TRIOBP: variants seen among roughly 807,000 people sequenced by gnomAD.
TRIOBP encodes TRIO and F-actin-binding protein.
TRIOBP carries 169 observed loss-of-function variants against 238.8 expected under a neutral mutation model. The ratio of observed to expected loss-of-function variants is 0.71; its 90% confidence interval spans 0.62 to 0.80. The LOEUF is 0.80. Ranked by LOEUF, TRIOBP falls within the 30% of genes least tolerant of loss-of-function variation. The pLI, the probability that TRIOBP is intolerant of heterozygous loss-of-function variation, is 0.00. For missense variants in TRIOBP, 2,838 were observed against 3,122.6 expected (o/e 0.91, Z 2.17); for synonymous variants, 1,150 against 1,274.4 (o/e 0.90, Z 2.08).
intron 11 of TRIOBP, among the ~76,000 whole-genome samples, chr22:37,747,541 C>T (rs550571983): frequency 6.6e-6 from 1 of 152,318 alleles, no homozygotes; most frequent in South Asian, 2.1e-4. Flanking sequence ...ACTTCCTCGG[C>T]GTCCTCCTGG....
chr22:37,757,351 A>G lies in TRIOBP; in HGVS notation c.5688-262A>G, dbSNP rs77171481. On this transcript the variant is annotated intron_variant, in intron 15 of 23. Coordinates refer to ENST00000644935, the MANE Select transcript of TRIOBP (RefSeq NM_001039141.3). Reference sequence around the variant, plus strand: ...CTACTTCAGCCTGGGCAGCAGAGTGAGACCCTGTCCCTTGAAAAACAAAAA... The same window carrying G: ...CTACTTCAGCCTGGGCAGCAGAGTGGGACCCTGTCCCTTGAAAAACAAAAA... Among the ~76,000 whole-genome samples, 1,288 of 152,266 alleles carry G rather than the reference A, an allele frequency of 8.5e-3. 8 individuals carry two copies. Among genetic ancestry groups the G allele is most frequent in the African/African-American group, 0.023 (954 of 41,554 alleles).
At chr22:37,751,900 G>C (rs913189561) in intron 12 of TRIOBP, 72 bp downstream of exon 12, 14 of 1,542,190 alleles carry the variant, frequency 9.1e-6, no homozygotes, top group South Asian at 2.2e-5. Flanking sequence ...GCCCAGGAGT[G>C]GGGGTGGGGC....
rs544324882 is a variant in TRIOBP at position 37,705,615 on chromosome 22, G to A, written c.114+4136G>A. Among the ~76,000 whole-genome samples the A allele has an allele frequency of 5.9e-5, 9 of 151,760 alleles. 1 individual carries two copies. The South Asian group carries it at 6.2e-4, about 11-fold the overall frequency. On this transcript the variant is annotated intron_variant, in intron 3 of 23. Coordinates refer to ENST00000644935, the MANE Select transcript of TRIOBP (RefSeq NM_001039141.3). ...TTTTGAGATGGAGTCTCGCTCTGTC[G>A]CACAGGCTGGAGTGCAGAGGCGTGA...
intron 7 of TRIOBP, among the ~76,000 whole-genome samples, chr22:37,729,452 G>A (rs758843632): frequency 1.3e-5 from 2 of 152,140 alleles, no homozygotes; most frequent in African/African-American, 2.4e-5. Context: ...CTGGCCTCAA[G>A]CAATGCTCCC....
In TRIOBP at chr22:37,724,406, A is replaced by G. The variant is rs202216652; in HGVS notation, c.1850A>G (p.Asn617Ser). 280 of 1,495,578 alleles carry G rather than the reference A, an allele frequency of 1.9e-4. 2 individuals are homozygous for G. The African/African-American group carries it at 3.7e-3, about 20-fold the overall frequency. 92.6% of individuals were successfully genotyped at this position (1,495,578 alleles called of 1,614,324 possible). A position where few individuals can be genotyped will look rare whatever the true frequency, so the allele number is the denominator to read the frequency against. ...NPRASRTSSP[N>S]RATRDNPRTS... ...AGAGCCTCCAGAACCTCCTCTCCCA[A>G]TAGAGCCACACGAGATAACCCCAGA... Residue 617 changes from asparagine to serine, a missense_variant, in exon 7 of 24, where the codon AAT (asparagine) becomes AGT (serine). Asn to Ser is a conservative substitution (Grantham distance 46). Transcript: ENST00000644935.
intron 19 of TRIOBP, among the ~76,000 whole-genome samples, chr22:37,768,639 C>A (rs1327265245): frequency 6.6e-6 from 1 of 152,118 alleles, no homozygotes; most frequent in Non-Finnish European, 1.5e-5. Context: ...CCCATCTCTA[C>A]TAAAAATACA....
intron 9 of TRIOBP, among the ~76,000 whole-genome samples, chr22:37,735,833 C>A (rs1191410956): frequency 2.6e-5 from 4 of 152,228 alleles, no homozygotes. Context: ...AAGCAAGATG[C>A]TCTGGCCAGG....
chr22:37,717,190 G>A (rs1923565832), intron 6 of TRIOBP, among the ~76,000 whole-genome samples: 2 of 152,120 alleles, frequency 1.3e-5, no homozygotes, highest in Non-Finnish European at 1.5e-5. Flanking sequence ...AAGGAGACGC[G>A]TCCGCAGTTG....
intron 17 of TRIOBP, among the ~76,000 whole-genome samples, chr22:37,762,543 G>A (rs1926296785): frequency 2.0e-5 from 3 of 152,224 alleles, no homozygotes; most frequent in Admixed American, 6.5e-5. Flanking sequence ...GAGTTCAGGC[G>A]GTCTGGTCCC....
At chr22:37,755,393 A>T in intron 14 of TRIOBP, 157 bp from the exon 15 acceptor site, 1 of 903,308 alleles carries the variant, frequency 1.1e-6, no homozygotes, top group Non-Finnish European at 1.8e-6. Flanking sequence ...GGCTCTTCCC[A>T]GGCCAATGGA....
At chr22:37,709,284 C>T (rs1384954622) in intron 3 of TRIOBP, among the ~76,000 whole-genome samples, 1 of 152,142 alleles carries the variant, frequency 6.6e-6, no homozygotes, top group Non-Finnish European at 1.5e-5. Flanking sequence ...TCCAGGGTCC[C>T]CAGGGATCCC....
rs1555898395 is a variant in TRIOBP at position 37,743,842 on chromosome 22, T to TGTGCGC, written c.5322+2814_5322+2815insGCGTGC. ...GTGTGTGTGTGTGTGTGTGTGTGTG[T>TGTGCGC]GTGCTGGGTGTGTGTGAGTGTGTGC... On this transcript the variant is annotated intron_variant, in intron 11 of 23. Transcript: ENST00000644935. Among the ~76,000 whole-genome samples the TGTGCGC allele has an allele frequency of 1.8e-4, 21 of 115,266 alleles. No individual in the cohort carries two copies. In the South Asian group the frequency reaches 5.6e-3, roughly 31 times the overall value. The allele number at this position is 115,266 out of a possible 152,430, so 75.6% of individuals were successfully genotyped here.
Position 37,758,031 on chromosome 22 carries a change from C to G in TRIOBP, c.6106C>G (p.Leu2036Val), listed in dbSNP as rs2145870507. The change falls in exon 16 of 24, where the codon CTG becomes GTG. Residue 2036 changes from leucine to valine, a missense_variant. Leu to Val is a conservative substitution (Grantham distance 32, BLOSUM62 1). Around this residue, in one of 5 missense-constraint regions of TRIOBP, gnomAD observed 2,096 missense variants for 2,137.4 expected, o/e 0.98. Coordinates refer to ENST00000644935, the MANE Select transcript of TRIOBP (RefSeq NM_001039141.3). ...GAAGAAGTGGCAGGAGCTGGAGAAG[C>G]TGCCCCTGCGGGAGAATAAGCGGGT... ...IEKKWQELEK[L>V]PLRENKRVPL... is the part of the protein sequence containing the mutation. 1.9e-6 allele frequency: 3 copies of G among 1,611,288 alleles called. No individual in the cohort carries two copies. The highest frequency in any genetic ancestry group is 2.2e-5 in the South Asian group (2 of 90,898).
chr22:37,711,853 C>A (rs950769958), intron 4 of TRIOBP, among the ~76,000 whole-genome samples: 1 of 152,050 alleles, frequency 6.6e-6, no homozygotes. Flanking sequence ...GTGGGTCACT[C>A]TTTGGGGATA....
Position 37,738,658 on chromosome 22 carries a change from C to T in TRIOBP, c.5123C>T (p.Pro1708Leu). The T allele has an allele frequency of 6.2e-7, 1 of 1,613,866 alleles. No individual in the cohort carries two copies. The highest frequency in any genetic ancestry group is 1.1e-5 in the South Asian group (1 of 91,062). ...LPELQFQPEE[P>L]EESEPSRGQD... ...AATCTCCAGTTCCAACCAGAGGAGCCTGAGGAGTCAGAACCAAGCAGAGGC... is the reference window on the plus strand; with the variant it reads ...AATCTCCAGTTCCAACCAGAGGAGCTTGAGGAGTCAGAACCAAGCAGAGGC... Residue 1708 changes from proline (P) to leucine (L), a missense_variant, in exon 10 of 24, where the codon CCT becomes CTT. Pro to Leu is a moderately conservative substitution (Grantham distance 98). Around this residue, in one of 5 missense-constraint regions of TRIOBP, gnomAD observed 2,096 missense variants for 2,137.4 expected, o/e 0.98. Coordinates refer to ENST00000644935, the MANE Select transcript of TRIOBP (RefSeq NM_001039141.3).
rs1924587742 is a variant in TRIOBP at position 37,734,818 on chromosome 22, G to A, written c.4482G>A (p.Trp1494Ter). The A allele has an allele frequency of 6.2e-7, 1 of 1,612,564 alleles. No individual in the cohort carries two copies. Among genetic ancestry groups the A allele is most frequent in the Non-Finnish European group, 8.5e-7 (1 of 1,179,868 alleles). The change falls in exon 9 of 24, where the codon TGG (tryptophan) becomes TGA (stop). Residue 1494 changes from tryptophan to a stop codon, truncating the protein, a stop_gained. Transcript: ENST00000644935. LOFTEE classifies it high-confidence loss of function. ...YKESWGQPEA[W>*]EEKPTHELPR... ...AGAGCTGGGGGCAGCCAGAGGCCTG[G>A]GAGGAGAAGCCCACTCATGAGCTCC... is the stretch of plus-strand genomic sequence containing the variant.
In TRIOBP at chr22:37,734,388, C is replaced by T; in HGVS notation, c.4063-11C>T. ...GAGAGAGCCTCACCTACCCCCTCAC[C>T]TCATCCCCAGGTGACCATGCTCCCT... On this transcript the variant is annotated splice_polypyrimidine_tract_variant and intron_variant, in intron 8 of 23. Transcript: ENST00000644935. The T allele has an allele frequency of 6.2e-7, 1 of 1,612,398 alleles. No individual in the cohort carries two copies. The highest frequency in any genetic ancestry group is 8.5e-7 in the Non-Finnish European group (1 of 1,179,618).
Position 37,755,576 on chromosome 22 carries a change from G to C in TRIOBP, c.5604G>C (p.Ser1868=), listed in dbSNP as rs759173649. Residue 1868 remains serine (S), a synonymous_variant, in exon 15 of 24, where the codon TCG becomes TCC. Coordinates refer to ENST00000644935, the MANE Select transcript of TRIOBP (RefSeq NM_001039141.3). ...IHTKDAVYTL[S]AMTSGIRRNW... The stretch of plus-strand genomic sequence containing the variant: ...CCAAGGATGCTGTCTATACCTTGTC[G>C]GCCATGACCTCAGGCATCCGGCGGA... 1.2e-6 allele frequency: 2 copies of C among 1,614,002 alleles called. No individual in the cohort carries two copies. The highest frequency in any genetic ancestry group is 1.7e-6 in the Non-Finnish European group (2 of 1,180,016).
At chr22:37,700,175 C>T (rs997955666) in intron 2 of TRIOBP, among the ~76,000 whole-genome samples, 5 of 152,088 alleles carry the variant, frequency 3.3e-5, no homozygotes, top group African/African-American at 1.2e-4. Flanking sequence ...CCGCCCTCGG[C>T]TGGAATCACT....
Sources: gnomAD v4.1 joint callset for allele counts (sites outside exome capture counted in the v4.1 genomes callset) on GRCh38, gnomAD v4.1.1 for gene constraint, gnomAD v4.1.1 regional missense constraint, MANE v1.5 for transcripts, NCBI Gene and HGNC (gene_info 2026-07-23, HGNC 2026-07-21) for gene names.